Variants in FOXP2 observed in about 807,000 individuals in gnomAD.
FOXP2 encodes forkhead box protein P2.
FOXP2 carries 12 observed loss-of-function variants against 115.8 expected under a neutral mutation model. The observed-to-expected ratio is 0.10, with a 90% CI of 0.07 to 0.17. The LOEUF is 0.17. Among genes scored for constraint, FOXP2 ranks in the 10% least tolerant of loss-of-function variants. FOXP2 has a pLI of 1.00. For missense variants in FOXP2, 629 were observed against 843.5 expected (o/e 0.75, Z 3.15); for synonymous variants, 328 against 297.7 (o/e 1.10, Z -1.05).
chr7:114,680,246 A>T (rs1287668189), intron 16 of FOXP2, among the ~76,000 whole-genome samples: 1 of 152,194 alleles, frequency 6.6e-6, no homozygotes, highest in Non-Finnish European at 1.5e-5. Flanking sequence ...TTTTTGTAGT[A>T]AGGAAAATGT....
At chr7:114,542,275 ACTAT>A (rs1799699585) in intron 3 of FOXP2, among the ~76,000 whole-genome samples, 1 of 152,144 alleles carries the variant, frequency 6.6e-6, no homozygotes, top group Admixed American at 6.5e-5. Context: ...AATATCTGTA[ACTAT>A]CTAATTCTAT....
intron 2 of FOXP2, among the ~76,000 whole-genome samples, chr7:114,321,367 T>C (rs1188159722): frequency 1.3e-5 from 2 of 151,760 alleles, no homozygotes; most frequent in Non-Finnish European, 2.9e-5. Flanking sequence ...CCCGGCTAAT[T>C]TTTTGTATTT....
chr7:114,523,715 T>C (rs1283314954), intron 2 of FOXP2, among the ~76,000 whole-genome samples: 3 of 152,222 alleles, frequency 2.0e-5, no homozygotes, highest in Admixed American at 2.0e-4. Context: ...ACATGTTCAC[T>C]CACTCTTCCT....
At chr7:114,681,905 C>T (rs1300149009) in intron 16 of FOXP2, among the ~76,000 whole-genome samples, 1 of 152,030 alleles carries the variant, frequency 6.6e-6, no homozygotes, top group African/African-American at 2.4e-5. Context: ...TACTGAAATA[C>T]TTTTAGAGCT....
chr7:114,286,376 T>C (rs1235238081), intron 1 of FOXP2, among the ~76,000 whole-genome samples: 1 of 152,032 alleles, frequency 6.6e-6, no homozygotes, highest in African/African-American at 2.4e-5. Context: ...TTTAAATGGG[T>C]TTAAAAATGA....
chr7:114,516,187 G>A (rs1229555024), intron 2 of FOXP2, among the ~76,000 whole-genome samples: 1 of 152,126 alleles, frequency 6.6e-6, no homozygotes, highest in East Asian at 1.9e-4. Context: ...AACCAAAACA[G>A]CATGGTGCTG....
Position 114,521,532 on chromosome 7 carries a change from C to CAAA in FOXP2, c.169-13066_169-13064dup, listed in dbSNP as rs34666914. Among the ~76,000 whole-genome samples the CAAA allele has an allele frequency of 2.5e-3, 208 of 81,674 alleles. 1 individual carries two copies. The highest frequency in any genetic ancestry group is 7.6e-3 in the East Asian group (19 of 2,486). The allele number at this position is 81,674 out of a possible 152,430, so 53.6% of individuals were successfully genotyped here. A position where few individuals can be genotyped will look rare whatever the true frequency, so the allele number is the denominator to read the frequency against. ...TGGGCAAAACAGCAGGACACTGTCT[C>CAAA]AAAAAAAAAAAAAAAAAAAAAGGGT... On this transcript the variant is annotated intron_variant, in intron 2 of 16. Coordinates refer to ENST00000350908, the MANE Select transcript of FOXP2 (RefSeq NM_014491.4).
At chr7:114,477,846 A>G (rs998590846) in intron 2 of FOXP2, among the ~76,000 whole-genome samples, 5 of 151,870 alleles carry the variant, frequency 3.3e-5, no homozygotes, top group African/African-American at 1.2e-4. Flanking sequence ...ATATGCTTAA[A>G]TAGGAATGGG....
intron 2 of FOXP2, among the ~76,000 whole-genome samples, chr7:114,439,214 T>C (rs894859364): frequency 7.2e-5 from 11 of 152,182 alleles, no homozygotes; most frequent in African/African-American, 1.9e-4. Flanking sequence ...GTTGGCTGGA[T>C]TTGAAAATCC....
At chr7:114,213,993 G>A (rs1794423223) in intron 1 of FOXP2, among the ~76,000 whole-genome samples, 1 of 152,186 alleles carries the variant, frequency 6.6e-6, no homozygotes, top group Non-Finnish European at 1.5e-5. Flanking sequence ...AGGAAAGTGA[G>A]AGCATAGGAT....
intron 2 of FOXP2, among the ~76,000 whole-genome samples, chr7:114,529,616 A>G (rs953029832): frequency 6.6e-6 from 1 of 151,920 alleles, no homozygotes; most frequent in African/African-American, 2.4e-5. Context: ...CATATACTGT[A>G]AAAATATCAT....
chr7:114,100,506 A>C (rs1481461704), intron 1 of FOXP2, among the ~76,000 whole-genome samples: 2 of 152,162 alleles, frequency 1.3e-5, no homozygotes, highest in Non-Finnish European at 2.9e-5. Flanking sequence ...ATTTATTCTT[A>C]AAGTAAGATT....
intron 1 of FOXP2, among the ~76,000 whole-genome samples, chr7:114,133,251 A>C (rs1299165709): frequency 6.6e-6 from 1 of 152,182 alleles, no homozygotes; most frequent in Non-Finnish European, 1.5e-5. Flanking sequence ...TTTTTCTGAG[A>C]TGGGTAAGAC....
intron 1 of FOXP2, among the ~76,000 whole-genome samples, chr7:114,134,436 G>T (rs1205150926): frequency 2.0e-5 from 3 of 152,162 alleles, no homozygotes; most frequent in Non-Finnish European, 4.4e-5. Context: ...ACTATCTTAA[G>T]AAATGCTATT....
intron 10 of FOXP2, chr7:114,654,261 T>C: frequency 1.2e-6 from 1 of 814,356 alleles, no homozygotes; most frequent in Non-Finnish European, 1.8e-6. Flanking sequence ...ATCACTGCCT[T>C]GGGGCTGAAG....
At chr7:114,212,946 C>G (rs1328030160) in intron 1 of FOXP2, among the ~76,000 whole-genome samples, 1 of 152,186 alleles carries the variant, frequency 6.6e-6, no homozygotes, top group Non-Finnish European at 1.5e-5. Context: ...GCTTTTGCTT[C>G]CTTTAAGTGC....
At chr7:114,428,762 A>G (rs1793980105) in intron 2 of FOXP2, among the ~76,000 whole-genome samples, 1 of 151,532 alleles carries the variant, frequency 6.6e-6, no homozygotes, top group Non-Finnish European at 1.5e-5. Context: ...TCTTTTCTAT[A>G]AAATTGATGC....
chr7:114,301,151 C>G (rs1796870577), intron 2 of FOXP2, among the ~76,000 whole-genome samples: 1 of 151,780 alleles, frequency 6.6e-6, no homozygotes, highest in South Asian at 2.1e-4. Context: ...TTTTAACAGC[C>G]AAAAAGAGTG....
chr7:114,093,169 A>G (rs926098400), intron 1 of FOXP2, among the ~76,000 whole-genome samples: 1 of 152,142 alleles, frequency 6.6e-6, no homozygotes, highest in Non-Finnish European at 1.5e-5. Flanking sequence ...CCTACTGTGG[A>G]CATATAAACC....
Sources: allele counts gnomAD v4.1 joint callset (sites outside exome capture counted in the v4.1 genomes callset), GRCh38; gene constraint gnomAD v4.1.1; transcripts MANE v1.5; gene names NCBI Gene and HGNC (gene_info 2026-07-23, HGNC 2026-07-21).